Variants in LRRC8D observed in about 807,000 individuals in gnomAD.
LRRC8D encodes leucine rich repeat containing 8 VRAC subunit D.
LRRC8D carries 20 observed loss-of-function variants against 55.8 expected under a neutral mutation model. That is an observed-to-expected ratio of 0.36 (90% CI 0.25 to 0.52). The LOEUF (loss-of-function observed/expected upper bound fraction) is 0.52, where lower values mean the gene tolerates loss of function less well. Among genes scored for constraint, LRRC8D ranks in the 20% least tolerant of loss-of-function variants. LRRC8D has a pLI of 0.93. For synonymous variants in LRRC8D, 352 were observed against 377.0 expected (o/e 0.93, Z 0.77); for missense variants, 651 against 1,030.8 (o/e 0.63, Z 5.05).
intron 1 of LRRC8D, among the ~76,000 whole-genome samples, chr1:89,828,108 T>C (rs1660806243): frequency 6.6e-6 from 1 of 152,254 alleles, no homozygotes; most frequent in African/African-American, 2.4e-5. Flanking sequence ...GGCTGGGTAC[T>C]GACTGAAGAC....
chr1:89,875,749 C>G (rs1233934998), intron 2 of LRRC8D, among the ~76,000 whole-genome samples: 1 of 152,098 alleles, frequency 6.6e-6, no homozygotes, highest in South Asian at 2.1e-4. Flanking sequence ...AGGACTTACT[C>G]TATGCCAAGC....
chr1:89,935,591 A>T lies in LRRC8D; in HGVS notation c.2523A>T (p.Glu841Asp), dbSNP rs1470497306. 6.2e-7 allele frequency: 1 copy of T among 1,614,160 alleles called. No homozygotes were observed. The highest frequency in any genetic ancestry group is 8.5e-7 in the Non-Finnish European group (1 of 1,180,048). The change falls in exon 3 of 3, where the codon GAA becomes GAT. Residue 841 changes from glutamate to aspartate, a missense_variant. Physicochemically the swap from Glu to Asp is conservative, Grantham distance 45 (BLOSUM62 2). This residue lies in a region of LRRC8D where 338 missense variants were observed against 479.4 expected (regional missense o/e 0.71). Transcript: ENST00000337338. ...ACCTTTTTGATACCCTGCCACTCGAAGTCAAAGAGGCATTGAATCAAGACA... is the reference window on the plus strand; with the variant it reads ...ACCTTTTTGATACCCTGCCACTCGATGTCAAAGAGGCATTGAATCAAGACA... ...EDHLFDTLPL[E>D]VKEALNQDIN...
At chr1:89,899,899 T>G (rs960741108) in intron 2 of LRRC8D, among the ~76,000 whole-genome samples, 2 of 152,242 alleles carry the variant, frequency 1.3e-5, no homozygotes, top group African/African-American at 4.8e-5. Flanking sequence ...CTAAAGAATA[T>G]GTGTGATAAA....
intron 1 of LRRC8D, among the ~76,000 whole-genome samples, chr1:89,840,774 A>C (rs968751621): frequency 8.5e-5 from 13 of 152,244 alleles, no homozygotes; most frequent in Non-Finnish European, 1.8e-4. Context: ...GTCTAATCGC[A>C]TGAGTCCCAA....
In LRRC8D at chr1:89,908,722, C is replaced by T. The variant is rs149605753; in HGVS notation, c.-2-24345C>T. Among the ~76,000 whole-genome samples, 363 of 152,194 alleles carry T rather than the reference C, an allele frequency of 2.4e-3. 2 individuals carry two copies. The highest frequency in any genetic ancestry group is 4.8e-3 in the Admixed American group (74 of 15,296). ...AAAGCAAGTTTGATTTTGAATTGGC[C>T]GACCATTGACCATGTTGGACCAGCA... On this transcript the variant is annotated intron_variant, in intron 2 of 2. Coordinates refer to ENST00000337338, the MANE Select transcript of LRRC8D (RefSeq NM_001134479.2).
chr1:89,868,595 C>G (rs995737334), intron 2 of LRRC8D, among the ~76,000 whole-genome samples: 1 of 151,930 alleles, frequency 6.6e-6, no homozygotes, highest in Non-Finnish European at 1.5e-5. Context: ...TGAGTTCTAA[C>G]TATATGCCAG....
chr1:89,821,588 C>T (rs1220456541), intron 1 of LRRC8D, among the ~76,000 whole-genome samples: 1 of 152,264 alleles, frequency 6.6e-6, no homozygotes, highest in Non-Finnish European at 1.5e-5. Flanking sequence ...GGCTTCCTGG[C>T]TCCTGAACCC....
intron 2 of LRRC8D, among the ~76,000 whole-genome samples, chr1:89,890,202 TA>T (rs537120753): frequency 2.8e-3 from 416 of 147,350 alleles, no homozygotes; most frequent in African/African-American, 0.01. Context: ...AATAAATAAA[TA>T]AAATAAAATA....
At chr1:89,887,178 A>G (rs576808753) in intron 2 of LRRC8D, among the ~76,000 whole-genome samples, 6 of 152,346 alleles carry the variant, frequency 3.9e-5, no homozygotes, top group African/African-American at 1.4e-4. Flanking sequence ...GAGCCGATTT[A>G]TCTGATTAAG....
chr1:89,844,099 C>T (rs1163262586), intron 2 of LRRC8D, among the ~76,000 whole-genome samples: 1 of 152,222 alleles, frequency 6.6e-6, no homozygotes, highest in Non-Finnish European at 1.5e-5. Context: ...GCTGCCCTCT[C>T]CACCCTCTCC....
chr1:89,838,034 T>C (rs1170751690), intron 1 of LRRC8D, among the ~76,000 whole-genome samples: 1 of 152,044 alleles, frequency 6.6e-6, no homozygotes, highest in African/African-American at 2.4e-5. Context: ...CCCTTTTACA[T>C]TGTTGGGCTT....
Position 89,934,532 on chromosome 1 carries a change from C to T in LRRC8D, c.1464C>T (p.Asp488=). 1.2e-6 allele frequency: 2 copies of T among 1,614,148 alleles called. No individual in the cohort carries two copies. The highest frequency in any genetic ancestry group is 1.7e-6 in the Non-Finnish European group (2 of 1,180,018). The part of the protein sequence containing the change: ...MLSGVPDAVF[D]LTDLDVLKLE... ...CGGGGGTGCCCGATGCTGTCTTTGA[C>T]CTCACAGACCTGGATGTGCTAAAGC... The change falls in exon 3 of 3, where the codon GAC becomes GAT. Residue 488 remains aspartate (D), a synonymous_variant. Coordinates refer to ENST00000337338, the MANE Select transcript of LRRC8D (RefSeq NM_001134479.2). The surrounding 1 kb of genome is among the most constrained non-coding windows in gnomAD (Gnocchi z 5.9).
intron 2 of LRRC8D, among the ~76,000 whole-genome samples, chr1:89,854,835 G>A (rs1007558064): frequency 1.1e-4 from 16 of 152,206 alleles, no homozygotes; most frequent in African/African-American, 3.6e-4. Context: ...GGTGTCTGCA[G>A]TTGTGTCTGT....
At chr1:89,914,927 C>T (rs1663223136) in intron 2 of LRRC8D, among the ~76,000 whole-genome samples, 1 of 151,990 alleles carries the variant, frequency 6.6e-6, no homozygotes, top group African/African-American at 2.4e-5. Context: ...TGGTAGTGGT[C>T]CATGCTCCGT....
intron 2 of LRRC8D, among the ~76,000 whole-genome samples, chr1:89,907,388 G>C (rs1289186727): frequency 6.6e-6 from 1 of 151,734 alleles, no homozygotes; most frequent in Non-Finnish European, 1.5e-5. Flanking sequence ...ACGGGGTTTT[G>C]CCATGTTGGC....
intron 2 of LRRC8D, among the ~76,000 whole-genome samples, chr1:89,922,473 A>G (rs149217300): frequency 6.6e-6 from 1 of 152,364 alleles, no homozygotes; most frequent in African/African-American, 2.4e-5. Flanking sequence ...GCTACATGCT[A>G]GTTCAAAATT....
At chr1:89,830,249 T>G in intron 1 of LRRC8D, among the ~76,000 whole-genome samples, 1 of 152,208 alleles carries the variant, frequency 6.6e-6, no homozygotes, top group African/African-American at 2.4e-5. Flanking sequence ...TATTGAATTA[T>G]TTATCTTAAC....
chr1:89,848,799 A>C (rs562351878), intron 2 of LRRC8D, among the ~76,000 whole-genome samples: 6 of 151,998 alleles, frequency 3.9e-5, no homozygotes, highest in African/African-American at 1.4e-4. Flanking sequence ...TCCCAGGTTC[A>C]TGCCATTCTC....
chr1:89,868,382 G>A (rs1661906019), intron 2 of LRRC8D, among the ~76,000 whole-genome samples: 1 of 152,130 alleles, frequency 6.6e-6, no homozygotes, highest in Non-Finnish European at 1.5e-5. Flanking sequence ...AATTCTTAAA[G>A]CTACTGGGCT....
Sources: allele counts gnomAD v4.1 joint callset (sites outside exome capture counted in the v4.1 genomes callset), GRCh38; gene constraint gnomAD v4.1.1; regional missense constraint gnomAD v4.1.1; non-coding constraint Gnocchi (gnomAD v3.1); transcripts MANE v1.5; gene names NCBI Gene and HGNC (gene_info 2026-07-23, HGNC 2026-07-21).